POC1B: variants seen among roughly 807,000 people sequenced by gnomAD.
The protein encoded by POC1B is POC1 centriolar protein B.
POC1B carries 44 observed loss-of-function variants against 60.6 expected under a neutral mutation model. That is an observed-to-expected ratio of 0.73 (90% CI 0.57 to 0.93). POC1B has a LOEUF of 0.93. POC1B is among the 40% of genes least tolerant of loss of function. The pLI, the probability that POC1B is intolerant of heterozygous loss-of-function variation, is 0.00. For missense variants in POC1B, 555 were observed against 572.3 expected, an observed-to-expected ratio of 0.97 and a Z score of 0.31; for synonymous variants, 180 against 198.9, an observed-to-expected ratio of 0.90 and a Z score of 0.80.
At chr12:89,495,418 C>T (rs1222511767) in intron 3 of POC1B, among the ~76,000 whole-genome samples, 3 of 152,230 alleles carry the variant, frequency 2.0e-5, no homozygotes, top group Non-Finnish European at 4.4e-5. Flanking sequence ...CAATAGTTTT[C>T]ACTACCATTG....
At chr12:89,507,980 AACAGAATTCCAATATT>A (rs1276786281) in intron 2 of POC1B, among the ~76,000 whole-genome samples, 1 of 152,248 alleles carries the variant, frequency 6.6e-6, no homozygotes, top group Non-Finnish European at 1.5e-5. Context: ...GTGTACCTGA[AACAGAATTCCAATATT>A]ACAGAATTCC....
intron 10 of POC1B, among the ~76,000 whole-genome samples, chr12:89,431,901 G>A (rs766075669): frequency 6.6e-6 from 1 of 152,222 alleles, no homozygotes; most frequent in Non-Finnish European, 1.5e-5. Flanking sequence ...GGCTCTAGGA[G>A]AGAATCCATT....
rs778224641 is a variant in POC1B at position 89,470,369 on chromosome 12, C to A, written c.802G>T (p.Gly268Ter). 1 of 1,531,440 alleles carries A rather than the reference C, an allele frequency of 6.5e-7. No homozygotes were observed. 94.9% of individuals were successfully genotyped at this position (1,531,440 alleles called of 1,614,324 possible). A position where few individuals can be genotyped will look rare whatever the true frequency, so the allele number is the denominator to read the frequency against. ...LEGRLIYTLQ[G>*]HTGPVFTVSF... ...AATCTGAGTGTTAATACCGTATGTC[C>A]TTGAAGTGTATAGATGAGCCTTCCT... Residue 268 changes from glycine (G) to a stop codon, truncating the protein, a stop_gained, in exon 7 of 12, where the codon GGA becomes TGA. Transcript: ENST00000313546. LOFTEE classifies it high-confidence loss of function.
chr12:89,407,378 G>T, the POC1B span, among the ~76,000 whole-genome samples: 2 of 151,534 alleles, frequency 1.3e-5, no homozygotes, highest in African/African-American at 4.8e-5. Context: ...GATTATAGGT[G>T]CCTGACACCA....
intron 2 of POC1B, among the ~76,000 whole-genome samples, chr12:89,517,552 G>C (rs548623125): frequency 1.3e-5 from 2 of 152,086 alleles, no homozygotes; most frequent in African/African-American, 4.8e-5. Flanking sequence ...AGAATCGCTT[G>C]AACTTGGGAG....
chr12:89,469,621 T>C (rs1882811540), intron 7 of POC1B, among the ~76,000 whole-genome samples: 1 of 152,110 alleles, frequency 6.6e-6, no homozygotes, highest in Non-Finnish European at 1.5e-5. Context: ...CTTACCCAAT[T>C]TCTCCTAAAC....
chr12:89,492,977 C>T lies in POC1B; in HGVS notation c.273-862G>A, dbSNP rs867056957. The stretch of plus-strand genomic sequence containing the variant: ...CCTACATATTGTGCTTATTACCTTG[C>T]TAAGAGCGTAACTCCAAGCATGTAA... On this transcript the variant is annotated intron_variant, in intron 3 of 11. Transcript: ENST00000313546. 1.8e-4 allele frequency among the ~76,000 whole-genome samples: 27 copies of T among 152,238 alleles called. No homozygotes were observed. In the Middle Eastern group the frequency reaches 0.017, roughly 96 times the overall value.
chr12:89,413,138 A>C, the POC1B span, among the ~76,000 whole-genome samples: 1 of 151,686 alleles, frequency 6.6e-6, no homozygotes, highest in African/African-American at 2.4e-5. Context: ...ATCTCACGTG[A>C]CCCACCTGCC....
intron 2 of POC1B, chr12:89,501,931 T>C: frequency 9.2e-7 from 1 of 1,091,614 alleles, no homozygotes; most frequent in Non-Finnish European, 1.4e-6. Flanking sequence ...TGATGAAATT[T>C]CCAGTTGTTT....
chr12:89,513,250 G>GA (rs58165369), intron 2 of POC1B, among the ~76,000 whole-genome samples: 84,153 of 128,962 alleles, frequency 0.65, 26,634 homozygotes, highest in Middle Eastern at 0.75. Flanking sequence ...TCAAGAATTT[G>GA]AAAAAAAAAA....
chr12:89,479,874 G>T (rs1051273023), intron 4 of POC1B, among the ~76,000 whole-genome samples: 1 of 152,076 alleles, frequency 6.6e-6, no homozygotes, highest in African/African-American at 2.4e-5. Flanking sequence ...ATATCTAGTT[G>T]TTTAATTCAT....
At chr12:89,484,246 A>G (rs1868516292) in intron 4 of POC1B, among the ~76,000 whole-genome samples, 1 of 152,260 alleles carries the variant, frequency 6.6e-6, no homozygotes, top group South Asian at 2.1e-4. Flanking sequence ...TGGGATAAAG[A>G]GAAAACAGTA....
chr12:89,513,742 C>T (rs1056962844), intron 2 of POC1B, among the ~76,000 whole-genome samples: 3 of 152,052 alleles, frequency 2.0e-5, no homozygotes, highest in Non-Finnish European at 4.4e-5. Flanking sequence ...AGGAGGTGAG[C>T]GGCAGGCAAG....
At chr12:89,510,961 G>A (rs1287728435) in intron 2 of POC1B, among the ~76,000 whole-genome samples, 1 of 151,580 alleles carries the variant, frequency 6.6e-6, no homozygotes, top group Non-Finnish European at 1.5e-5. Context: ...CACCATGTTG[G>A]CCAGGCTGGT....
At chr12:89,453,664 G>A (rs1179773892) in intron 10 of POC1B, among the ~76,000 whole-genome samples, 1 of 152,188 alleles carries the variant, frequency 6.6e-6, no homozygotes, top group African/African-American at 2.4e-5. Context: ...CACTTTCAAA[G>A]TTGTAAGTTT....
intron 3 of POC1B, 145 bp downstream of exon 3, chr12:89,497,026 A>T: frequency 2.5e-6 from 2 of 785,496 alleles, no homozygotes; most frequent in Non-Finnish European, 4.0e-6. Flanking sequence ...TGTATGAATT[A>T]GTTTGACTTT....
intron 10 of POC1B, among the ~76,000 whole-genome samples, chr12:89,431,942 A>G (rs1881048374): frequency 6.6e-6 from 1 of 152,240 alleles, no homozygotes; most frequent in Admixed American, 6.5e-5. Flanking sequence ...GAGGCTGTCC[A>G]CATTCCTTAG....
At chr12:89,454,255 A>T (rs903352497) in intron 10 of POC1B, among the ~76,000 whole-genome samples, 1 of 152,126 alleles carries the variant, frequency 6.6e-6, no homozygotes, top group Non-Finnish European at 1.5e-5. Context: ...GAGATAGGGA[A>T]TCCCACAGCT....
chr12:89,433,923 C>T (rs946407144), intron 10 of POC1B, among the ~76,000 whole-genome samples: 26 of 152,206 alleles, frequency 1.7e-4, no homozygotes, highest in African/African-American at 6.3e-4. Flanking sequence ...CCAGATGGGG[C>T]TGTCACAGGA....
Sources: allele counts gnomAD v4.1 joint callset (sites outside exome capture counted in the v4.1 genomes callset), GRCh38; gene constraint gnomAD v4.1.1; transcripts MANE v1.5; gene names NCBI Gene and HGNC (gene_info 2026-07-23, HGNC 2026-07-21).